NEGR1: variants seen among roughly 807,000 people sequenced by gnomAD.
NEGR1 encodes IgLON family member 4.
A neutral mutation model predicts 40.9 loss-of-function variants in NEGR1; 10 were observed. The ratio of observed to expected loss-of-function variants is 0.24; its 90% confidence interval spans 0.15 to 0.42. The LOEUF is 0.42. NEGR1 is among the 10% of genes least tolerant of loss of function. The probability of loss-of-function intolerance (pLI) is 1.00; values close to 1 mark genes in which losing one functional copy is unlikely to be tolerated. For missense variants in NEGR1, 352 were observed against 438.9 expected (o/e 0.80, Z 1.77); for synonymous variants, 185 against 166.8 (o/e 1.11, Z -0.84).
At chr1:71,759,378 A>G (rs1655857083) in intron 3 of NEGR1, among the ~76,000 whole-genome samples, 1 of 135,872 alleles carries the variant, frequency 7.4e-6, no homozygotes, top group South Asian at 2.3e-4. Flanking sequence ...GCTCACTGCA[A>G]CCTCCGCTTC....
intron 6 of NEGR1, among the ~76,000 whole-genome samples, chr1:71,522,643 C>T (rs905552440): frequency 5.9e-5 from 9 of 151,538 alleles, no homozygotes; most frequent in Non-Finnish European, 1.2e-4. Flanking sequence ...ATTACTTACT[C>T]ATGGTGTGGG....
chr1:72,070,427 G>C (rs915150906), intron 1 of NEGR1, among the ~76,000 whole-genome samples: 3 of 151,826 alleles, frequency 2.0e-5, no homozygotes, highest in African/African-American at 7.3e-5. Flanking sequence ...GATATCAATA[G>C]TAATTTGGTG....
At chr1:71,937,460 C>A (rs1645916194) in intron 1 of NEGR1, among the ~76,000 whole-genome samples, 1 of 152,136 alleles carries the variant, frequency 6.6e-6, no homozygotes, top group Non-Finnish European at 1.5e-5. Flanking sequence ...ACCACTGCAT[C>A]TATGGCCTTC....
chr1:71,950,819 CT>C (rs1018462871), intron 1 of NEGR1, among the ~76,000 whole-genome samples: 4 of 151,920 alleles, frequency 2.6e-5, no homozygotes, highest in Non-Finnish European at 4.4e-5. Context: ...TCCTTAGGTC[CT>C]TAATTCCTGA....
At chr1:71,940,635 C>T (rs1009052694) in intron 1 of NEGR1, among the ~76,000 whole-genome samples, 3 of 152,094 alleles carry the variant, frequency 2.0e-5, no homozygotes, top group Non-Finnish European at 2.9e-5. Flanking sequence ...GATGTTACTA[C>T]GCATTAGGCA....
chr1:71,982,148 C>T (rs1232784144), intron 1 of NEGR1, among the ~76,000 whole-genome samples: 1 of 152,074 alleles, frequency 6.6e-6, no homozygotes, highest in Non-Finnish European at 1.5e-5. Flanking sequence ...TAAATGAAAA[C>T]CTAATTTTCA....
chr1:71,748,338 C>T (rs910370214), intron 3 of NEGR1, among the ~76,000 whole-genome samples: 1 of 152,114 alleles, frequency 6.6e-6, no homozygotes, highest in African/African-American at 2.4e-5. Context: ...TTCCCCATGC[C>T]TAAATTTGAA....
At chr1:71,697,520 T>C (rs1395989233) in intron 4 of NEGR1, among the ~76,000 whole-genome samples, 6 of 151,754 alleles carry the variant, frequency 4.0e-5, no homozygotes. Context: ...TATGGAAAAA[T>C]TCTTTCTTCA....
intron 2 of NEGR1, among the ~76,000 whole-genome samples, chr1:71,929,930 A>C (rs991384286): frequency 3.3e-5 from 5 of 152,106 alleles, no homozygotes. Context: ...ATATGGCTTT[A>C]TACTTGTGGC....
chr1:72,081,746 T>G (rs1341751438), intron 1 of NEGR1, among the ~76,000 whole-genome samples: 4 of 152,084 alleles, frequency 2.6e-5, no homozygotes, highest in Non-Finnish European at 5.9e-5. Context: ...ACATGGCTAG[T>G]GAGTGGCAAA....
intron 6 of NEGR1, among the ~76,000 whole-genome samples, chr1:71,499,419 T>C (rs1283838547): frequency 6.7e-6 from 1 of 148,940 alleles, no homozygotes; most frequent in Non-Finnish European, 1.5e-5. Flanking sequence ...TAGTTATATA[T>C]ATATGGCACA....
chr1:72,131,815 G>T (rs1650263108), intron 1 of NEGR1, among the ~76,000 whole-genome samples: 1 of 152,078 alleles, frequency 6.6e-6, no homozygotes, highest in African/African-American at 2.4e-5. Flanking sequence ...TCCCAGTATT[G>T]GCTGAGCGTG....
chr1:71,872,997 A>C (rs1660322241), intron 2 of NEGR1, among the ~76,000 whole-genome samples: 1 of 152,030 alleles, frequency 6.6e-6, no homozygotes, highest in Non-Finnish European at 1.5e-5. Context: ...TCACACTCAA[A>C]AACAAAATGA....
chr1:71,756,497 T>G (rs1434770677), intron 3 of NEGR1, among the ~76,000 whole-genome samples: 1 of 151,468 alleles, frequency 6.6e-6, no homozygotes, highest in Non-Finnish European at 1.5e-5. Context: ...TCTACAGACA[T>G]GTGTTCAAAA....
At chr1:72,194,483 C>T (rs776208348) in intron 1 of NEGR1, among the ~76,000 whole-genome samples, 8 of 151,914 alleles carry the variant, frequency 5.3e-5, no homozygotes, top group Admixed American at 2.0e-4. Flanking sequence ...CCAAGATTCC[C>T]TAGCTGTTTC....
chr1:71,870,888 C>A (rs1326019548), intron 2 of NEGR1, among the ~76,000 whole-genome samples: 2 of 152,152 alleles, frequency 1.3e-5, no homozygotes, highest in Non-Finnish European at 2.9e-5. Flanking sequence ...ACCCAAAATG[C>A]AATAAACTGC....
At chr1:71,686,979 T>A (rs1443414432) in intron 4 of NEGR1, among the ~76,000 whole-genome samples, 1 of 152,152 alleles carries the variant, frequency 6.6e-6, no homozygotes, top group Non-Finnish European at 1.5e-5. Context: ...TATACTTCCC[T>A]CCATCCTATT....
chr1:72,122,416 A>G (rs555837046), intron 1 of NEGR1, among the ~76,000 whole-genome samples: 2 of 152,032 alleles, frequency 1.3e-5, no homozygotes, highest in Admixed American at 6.6e-5. Flanking sequence ...GGCAAAAAAA[A>G]CTTGTGAATT....
At chr1:72,115,208 T>C (rs947741286) in intron 1 of NEGR1, among the ~76,000 whole-genome samples, 4 of 151,448 alleles carry the variant, frequency 2.6e-5, no homozygotes, top group African/African-American at 7.3e-5. Context: ...CTTTTATATA[T>C]ATATTTTTTC....
Sources: allele counts gnomAD v4.1 joint callset (sites outside exome capture counted in the v4.1 genomes callset), GRCh38; gene constraint gnomAD v4.1.1; transcripts MANE v1.5; gene names NCBI Gene and HGNC (gene_info 2026-07-23, HGNC 2026-07-21).